INO80: variants seen among roughly 807,000 people sequenced by gnomAD.
INO80 encodes the protein chromatin-remodeling ATPase INO80.
Under a neutral mutation model 203.4 loss-of-function variants are expected in INO80, and 20 were observed. The ratio of observed to expected loss-of-function variants is 0.10; its 90% CI spans 0.07 to 0.14. The LOEUF (loss-of-function observed/expected upper bound fraction) is 0.14, where lower values mean the gene tolerates loss of function less well. INO80 is among the 10% of genes least tolerant of loss of function. The pLI is 1.00. For missense variants in INO80, 1,419 were observed against 1,914.4 expected (o/e 0.74, Z 4.83); for synonymous variants, 726 against 685.2 (o/e 1.06, Z -0.93).
intron 23 of INO80, among the ~76,000 whole-genome samples, chr15:41,046,750 T>G (rs1419181864): frequency 1.3e-5 from 2 of 151,990 alleles, no homozygotes; most frequent in African/African-American, 4.8e-5. Context: ...CCCGAGTAGC[T>G]GGGACTACAG....
intron 1 of INO80, among the ~76,000 whole-genome samples, chr15:41,115,566 C>A (rs558265638): frequency 6.6e-6 from 1 of 152,324 alleles, no homozygotes; most frequent in Middle Eastern, 3.4e-3. Flanking sequence ...GACAGATACA[C>A]AACCTTCACG....
Position 41,048,272 on chromosome 15 carries a change from A to G in INO80, c.2581T>C (p.Leu861=), listed in dbSNP as rs150075638. Reference sequence around the variant, plus strand: ...GGTGCAAATGGAGAAAGAACCCTTAACCACCTGCAAAGTAAGTAAATAAAA... The same window carrying G: ...GGTGCAAATGGAGAAAGAACCCTTAGCCACCTGCAAAGTAAGTAAATAAAA... ...RVFNHSRDRW[L]RVLSPFAPDY... Residue 861 remains leucine (L), a synonymous_variant, in exon 22 of 36, where the codon TTA becomes CTA. Transcript: ENST00000648947. The G allele has an allele frequency of 7.6e-5, 123 of 1,611,298 alleles. No homozygotes were observed. In the African/African-American group the frequency reaches 1.5e-3, roughly 19 times the overall value.
intron 26 of INO80, chr15:41,017,525 C>T (rs2044228515): frequency 1.3e-5 from 2 of 152,330 alleles, no homozygotes; most frequent in Middle Eastern, 3.4e-3. Flanking sequence ...ACAGTCTGAC[C>T]GTTGACAGCA....
intron 5 of INO80, among the ~76,000 whole-genome samples, chr15:41,091,356 A>C (rs2045638502): frequency 6.6e-6 from 1 of 152,150 alleles, no homozygotes; most frequent in African/African-American, 2.4e-5. Flanking sequence ...CACCGCACCC[A>C]GTCAGGAATT....
At position 41,092,103 on chromosome 15, in the gene INO80, C is replaced by T. The variant is rs749215603; in HGVS notation, c.461G>A (p.Arg154Lys). Residue 154 changes from arginine to lysine, a missense_variant, in exon 5 of 36, where the codon AGA becomes AAA. By Grantham distance (26) the Arg-to-Lys change is conservative. Around this residue, in one of 9 missense-constraint regions of INO80, gnomAD observed 323 missense variants for 325.4 expected, o/e 0.99. Transcript: ENST00000648947. ...TCGAAGCATGTTGTGAAGTTCTTCT[C>T]TGCTGAGATTGAGTTCTTCTTCATC... ...DDDEEELNLS[R>K]EELHNMLRLH... 1 of 1,612,594 alleles carries T rather than the reference C, an allele frequency of 6.2e-7. No individual in the cohort carries two copies. The highest frequency in any genetic ancestry group is 1.7e-5 in the Admixed American group (1 of 59,978).
At chr15:41,092,943 A>G (rs1006073392) in intron 4 of INO80, among the ~76,000 whole-genome samples, 2 of 152,102 alleles carry the variant, frequency 1.3e-5, no homozygotes, top group African/African-American at 2.4e-5. Context: ...ACAGAGGAGG[A>G]AGGATTGCTT....
At chr15:41,061,299 C>A (rs1338920266) in intron 14 of INO80, among the ~76,000 whole-genome samples, 1 of 150,918 alleles carries the variant, frequency 6.6e-6, no homozygotes, top group Non-Finnish European at 1.5e-5. Flanking sequence ...GACTTTGTTT[C>A]AAAAAAATAA....
At chr15:41,035,773 G>A (rs1411395637) in intron 24 of INO80, among the ~76,000 whole-genome samples, 1 of 115,336 alleles carries the variant, frequency 8.7e-6, no homozygotes, top group Non-Finnish European at 1.6e-5. Flanking sequence ...AGTGAGCCGA[G>A]ATCACACCAC....
intron 27 of INO80, among the ~76,000 whole-genome samples, chr15:41,008,425 T>A (rs1288397299): frequency 6.6e-6 from 1 of 151,350 alleles, no homozygotes; most frequent in Non-Finnish European, 1.5e-5. Context: ...TGCCAGGGGG[T>A]AGGGGAAATG....
At chr15:41,055,933 TTTC>T (rs1168220755) in intron 17 of INO80, among the ~76,000 whole-genome samples, 3 of 139,862 alleles carry the variant, frequency 2.1e-5, no homozygotes, top group African/African-American at 5.1e-5. Context: ...TCTATAAAGT[TTTC>T]TTCTTTTGGT....
chr15:41,045,543 T>C lies in INO80; in HGVS notation c.2736-468A>G, dbSNP rs188226439. ...ATTGCAGTGAGCCGAGATTGCCCCA[T>C]TGTACTCCAGCCTGGGCGACAGAGC... On this transcript the variant is annotated intron_variant, in intron 23 of 35. Transcript: ENST00000648947. Among the ~76,000 whole-genome samples the C allele has an allele frequency of 2.3e-3, 330 of 141,928 alleles. 2 individuals are homozygous for C. The highest frequency in any genetic ancestry group is 4.4e-3 in the Middle Eastern group (1 of 226). The allele number at this position is 141,928 out of a possible 152,430, so 93.1% of individuals were successfully genotyped here.
At chr15:40,988,336 A>T (rs79429037) in intron 29 of INO80, among the ~76,000 whole-genome samples, 3,144 of 152,314 alleles carry the variant, frequency 0.021, 42 homozygotes, top group Non-Finnish European at 0.033. Flanking sequence ...ATTTGTGCTG[A>T]GAAAAAAAAT....
chr15:41,041,137 G>A (rs1031698898), intron 24 of INO80, among the ~76,000 whole-genome samples: 7 of 152,142 alleles, frequency 4.6e-5, no homozygotes, highest in African/African-American at 9.7e-5. Context: ...TGGGATCACC[G>A]TTTATTGTAG....
chr15:41,058,988 G>A (rs1004078668), intron 15 of INO80, among the ~76,000 whole-genome samples: 2 of 152,088 alleles, frequency 1.3e-5, no homozygotes, highest in African/African-American at 2.4e-5. Flanking sequence ...GTCTCACTCC[G>A]TTACCCAGAC....
chr15:41,103,146 A>T (rs944384334), intron 1 of INO80, among the ~76,000 whole-genome samples: 1 of 152,168 alleles, frequency 6.6e-6, no homozygotes, highest in Non-Finnish European at 1.5e-5. Context: ...AAAATCTATG[A>T]ATCATTTTTT....
At chr15:41,010,146 A>C (rs2044112712) in intron 27 of INO80, among the ~76,000 whole-genome samples, 1 of 152,076 alleles carries the variant, frequency 6.6e-6, no homozygotes, top group African/African-American at 2.4e-5. Context: ...TACAGATCAC[A>C]TCCACACACC....
At chr15:41,051,912 C>T (rs954988373) in intron 19 of INO80, among the ~76,000 whole-genome samples, 4 of 151,916 alleles carry the variant, frequency 2.6e-5, no homozygotes, top group African/African-American at 7.3e-5. Context: ...GAGCTGAGAT[C>T]GCGCCACTGC....
At chr15:41,018,225 G>C (rs1207465196) in intron 26 of INO80, 1 of 152,002 alleles carries the variant, frequency 6.6e-6, no homozygotes, top group Middle Eastern at 3.2e-3. Context: ...TCTCCATTTA[G>C]ATATACTCTC....
At chr15:41,011,518 T>C (rs2044132837) in intron 27 of INO80, 1 of 151,992 alleles carries the variant, frequency 6.6e-6, no homozygotes, top group African/African-American at 2.4e-5. Context: ...AGCTGACAAA[T>C]TTCCTTCTAC....
Sources: allele counts gnomAD v4.1 joint callset (sites outside exome capture counted in the v4.1 genomes callset), GRCh38; gene constraint gnomAD v4.1.1; regional missense constraint gnomAD v4.1.1; transcripts MANE v1.5; gene names NCBI Gene and HGNC (gene_info 2026-07-23, HGNC 2026-07-21).